The following PPFIA3 variants were observed in gnomAD, a reference collection of about 807,000 sequenced individuals.
PPFIA3 encodes the protein liprin-alpha-3.
A neutral mutation model predicts 145.8 loss-of-function variants in PPFIA3; 26 were observed. The ratio of observed to expected loss-of-function variants is 0.18; its 90% CI spans 0.13 to 0.25. The LOEUF is 0.25. Ranked by LOEUF, PPFIA3 falls within the 10% of genes least tolerant of loss-of-function variation. The pLI, the probability that PPFIA3 is intolerant of heterozygous loss-of-function variation, is 1.00. For synonymous variants in PPFIA3, 645 were observed against 661.4 expected (o/e 0.98, Z 0.38); for missense variants, 1,008 against 1,587.8 (o/e 0.63, Z 6.21).
Position 49,138,417 on chromosome 19 carries a change from C to T in PPFIA3, c.2066C>T (p.Thr689Ile). 1 of 1,545,154 alleles carries T rather than the reference C, an allele frequency of 6.5e-7. No homozygotes were observed. Among genetic ancestry groups the T allele is most frequent in the Non-Finnish European group, 8.7e-7 (1 of 1,144,434 alleles). The change falls in exon 16 of 30, where the codon ACC becomes ATC. Residue 689 changes from threonine (T) to isoleucine (I), a missense_variant. Thr to Ile is a moderately conservative substitution (Grantham distance 89). Transcript: ENST00000334186. Reference protein sequence around the residue: ...LAPPSPAREGTDKANHVPKEE... With the variant: ...LAPPSPAREGIDKANHVPKEE... The stretch of plus-strand genomic sequence containing the variant: ...CCCCCTAGCCCTGCCCGTGAGGGCA[C>T]CGACAAGGCTGTGAGTGCTCTGAAG...
chr19:49,141,315 C>A, intron 18 of PPFIA3, 105 bp from the exon 19 acceptor site: 1 of 784,406 alleles, frequency 1.3e-6, no homozygotes, highest in South Asian at 1.6e-5. Flanking sequence ...ACTCACTACT[C>A]CCTCAGGGCC....
chr19:49,143,878 T>G (rs57527373), intron 21 of PPFIA3, among the ~76,000 whole-genome samples: 32,719 of 152,056 alleles, frequency 0.22, 3,960 homozygotes, highest in Non-Finnish European at 0.28. Flanking sequence ...AAGTTTTTTT[T>G]GAATATTTGC....
chr19:49,126,812 G>T (rs1394955603), intron 1 of PPFIA3, among the ~76,000 whole-genome samples: 1 of 151,970 alleles, frequency 6.6e-6, no homozygotes, highest in Admixed American at 6.6e-5. Flanking sequence ...GGTTGAGGGG[G>T]ATTCTCAGTA....
chr19:49,140,864 C>T (rs571731529), intron 18 of PPFIA3, among the ~76,000 whole-genome samples: 1 of 151,918 alleles, frequency 6.6e-6, no homozygotes, highest in African/African-American at 2.4e-5. Flanking sequence ...CCGTGTTAGC[C>T]AGGATGGTCT....
Position 49,142,957 on chromosome 19 carries a change from G to C in PPFIA3, c.2698G>C (p.Glu900Gln). Reference protein sequence around the residue: ...HRLKLRLAIQEMVSLTSPSAP... With the variant: ...HRLKLRLAIQQMVSLTSPSAP... ...ACTCAAGCTACGCCTCGCCATCCAG[G>C]AGATGGTCTCGCTCACCTCGCCCTC... Residue 900 changes from glutamate (E) to glutamine (Q), a missense_variant, in exon 21 of 30, where the codon GAG becomes CAG. Glu to Gln is a conservative substitution (Grantham distance 29). This residue lies in a region of PPFIA3 where 154 missense variants were observed against 369.2 expected (regional missense o/e 0.42). Coordinates refer to ENST00000334186, the MANE Select transcript of PPFIA3 (RefSeq NM_003660.4). The C allele has an allele frequency of 6.2e-7, 1 of 1,612,744 alleles. No homozygotes were observed. Among genetic ancestry groups the C allele is most frequent in the Non-Finnish European group, 8.5e-7 (1 of 1,179,924 alleles).
chr19:49,136,963 C>G, intron 15 of PPFIA3, 52 bp downstream of exon 15: 1 of 1,423,380 alleles, frequency 7.0e-7, no homozygotes, highest in Non-Finnish European at 9.3e-7. Flanking sequence ...GCTGACTCCA[C>G]AGCCCTTCTG....
Position 49,149,494 on chromosome 19 carries a change from C to T in PPFIA3, c.3355-53C>T, listed in dbSNP as rs2041319130. 7 of 1,607,696 alleles carry T rather than the reference C, an allele frequency of 4.4e-6. No individual in the cohort carries two copies. Among genetic ancestry groups the T allele is most frequent in the Non-Finnish European group, 6.0e-6 (7 of 1,175,260 alleles). ...AGAGGGGTGGAGTCAAAGGAAGGGG[C>T]GGAGTCAGACAAGGCAGGAGTCCCT... On this transcript the variant is annotated intron_variant, in intron 27 of 29. Transcript: ENST00000334186. This position sits in a 1 kb window ranked among gnomAD's most constrained non-coding sequence, Gnocchi z 5.7.
intron 1 of PPFIA3, among the ~76,000 whole-genome samples, chr19:49,122,986 G>T (rs969918491): frequency 2.6e-5 from 4 of 151,908 alleles, no homozygotes; most frequent in Non-Finnish European, 5.9e-5. Flanking sequence ...CTCCCAAAGT[G>T]TTGGGATTAC....
rs755494814 is a variant in PPFIA3, at chr19:49,138,196, C to T, written c.1854-9C>T. 5 of 1,567,688 alleles carry T rather than the reference C, an allele frequency of 3.2e-6. No individual in the cohort carries two copies. Among genetic ancestry groups the T allele is most frequent in the Non-Finnish European group, 4.4e-6 (5 of 1,147,868 alleles). Reference sequence around the variant, plus strand: ...CCCCTCACCCAGTTTCCCCTATTTCCCTCCTCAGGCTGATCCAAGAGGAGA... The same window carrying T: ...CCCCTCACCCAGTTTCCCCTATTTCTCTCCTCAGGCTGATCCAAGAGGAGA... On this transcript the variant is annotated splice_polypyrimidine_tract_variant and intron_variant, in intron 15 of 29. Coordinates refer to ENST00000334186, the MANE Select transcript of PPFIA3 (RefSeq NM_003660.4).
chr19:49,141,562 G>A, intron 19 of PPFIA3, 49 bp downstream of exon 19: 1 of 1,435,036 alleles, frequency 7.0e-7, no homozygotes, highest in South Asian at 1.2e-5. Context: ...GAATGTGAGA[G>A]TGTGTGAGGG....
chr19:49,127,863 G>A lies in PPFIA3; in HGVS notation c.-11G>A. On this transcript the variant is annotated 5_prime_UTR_variant, in exon 2 of 30. Coordinates refer to ENST00000334186, the MANE Select transcript of PPFIA3 (RefSeq NM_003660.4). ...CTTGCCCTCCCCGCCCCGCAGGCCC[G>A]CACCGCCGCCATGATGTGCGAGGTG... The A allele has an allele frequency of 1.9e-6, 3 of 1,589,804 alleles. No individual in the cohort carries two copies. Among genetic ancestry groups the A allele is most frequent in the Admixed American group, 1.7e-5 (1 of 58,214 alleles).
intron 15 of PPFIA3, among the ~76,000 whole-genome samples, chr19:49,137,630 A>C (rs1282448938): frequency 1.7e-4 from 6 of 35,606 alleles, no homozygotes; most frequent in African/African-American, 1.2e-3. Context: ...CTCCGTGTCA[A>C]AAAAAAAAAA....
At chr19:49,135,293 C>G (rs762446952) in intron 13 of PPFIA3, among the ~76,000 whole-genome samples, 2 of 152,144 alleles carry the variant, frequency 1.3e-5, no homozygotes, top group African/African-American at 2.4e-5. Flanking sequence ...CCTCCCCCCT[C>G]GGCCTCCCAA....
At chr19:49,145,592 C>CCCCG (rs1555745062) in intron 21 of PPFIA3, 1 of 305,536 alleles carries the variant, frequency 3.3e-6, no homozygotes, top group African/African-American at 2.1e-5. Context: ...GAACCCCCCC[C>CCCCG]GCCATACTCC....
rs1217811322 is a variant in PPFIA3, at chr19:49,128,853, C to T, written c.348C>T (p.Leu116=). 6 of 1,597,220 alleles carry T rather than the reference C, an allele frequency of 3.8e-6. No homozygotes were observed. The highest frequency in any genetic ancestry group is 5.1e-6 in the Non-Finnish European group (6 of 1,171,648). The change falls in exon 4 of 30, where the codon CTC becomes CTT. Residue 116 remains leucine, a synonymous_variant. Transcript: ENST00000334186. This position sits in a 1 kb window ranked among gnomAD's most constrained non-coding sequence, Gnocchi z 4.1. ...LKAERNNTRL[L]LEHLECLVSR... ...CCCATGCCGTGTGCTTGCAGCTGCT[C>T]CTGGAACACCTGGAGTGCCTGGTGT...
At chr19:49,132,143 T>C (rs10410681) in intron 7 of PPFIA3, among the ~76,000 whole-genome samples, 58,784 of 150,774 alleles carry the variant, frequency 0.39, 15,541 homozygotes, top group African/African-American at 0.76. Context: ...ATCCCAGCAC[T>C]TTGGGAGACC....
In PPFIA3 at chr19:49,130,292, C is replaced by A; in HGVS notation, c.658-86C>A. On this transcript the variant is annotated intron_variant, in intron 6 of 29. Coordinates refer to ENST00000334186, the MANE Select transcript of PPFIA3 (RefSeq NM_003660.4). This position sits in a 1 kb window ranked among gnomAD's most constrained non-coding sequence, Gnocchi z 4.5. ...ATGATCCTTATTGATCTTTGATCTA[C>A]TTTCAGCTGATTGACTTTCTCCTTG... 7.4e-7 allele frequency: 1 copy of A among 1,345,954 alleles called. No homozygotes were observed. The highest frequency in any genetic ancestry group is 1.0e-6 in the Non-Finnish European group (1 of 983,358). 83.4% of individuals were successfully genotyped at this position (1,345,954 alleles called of 1,614,324 possible).
rs775454936 is a variant in PPFIA3 at position 49,149,518 on chromosome 19, C to T, written c.3355-29C>T. 1 of 1,613,646 alleles carries T rather than the reference C, an allele frequency of 6.2e-7. No individual in the cohort carries two copies. The highest frequency in any genetic ancestry group is 2.2e-5 in the East Asian group (1 of 44,858). ...GCGGAGTCAGACAAGGCAGGAGTCCCTCACCGGCTGTCCGGCTCCTATACC... is the reference window on the plus strand; with the variant it reads ...GCGGAGTCAGACAAGGCAGGAGTCCTTCACCGGCTGTCCGGCTCCTATACC... On this transcript the variant is annotated intron_variant, in intron 27 of 29. Coordinates refer to ENST00000334186, the MANE Select transcript of PPFIA3 (RefSeq NM_003660.4). This position sits in a 1 kb window ranked among gnomAD's most constrained non-coding sequence, Gnocchi z 5.7.
In PPFIA3 at chr19:49,134,057, C is replaced by G; in HGVS notation, c.1269C>G (p.Asn423Lys). Reference protein sequence around the residue: ...LQRARQREKMNDDHNKRLSET... With the variant: ...LQRARQREKMKDDHNKRLSET... Reference sequence around the variant, plus strand: ...AGGCCCGGCAGCGGGAGAAGATGAACGATGACCACAATAAGCGGCTGTCCG... The same window carrying G: ...AGGCCCGGCAGCGGGAGAAGATGAAGGATGACCACAATAAGCGGCTGTCCG... The change falls in exon 11 of 30, where the codon AAC becomes AAG. Residue 423 changes from asparagine (N) to lysine (K), a missense_variant. By Grantham distance (94) the Asn-to-Lys change is moderately conservative (BLOSUM62 0). Transcript: ENST00000334186. 2.5e-6 allele frequency: 4 copies of G among 1,613,260 alleles called. No homozygotes were observed. Among genetic ancestry groups the G allele is most frequent in the Non-Finnish European group, 3.4e-6 (4 of 1,179,648 alleles).
Sources: gnomAD v4.1 joint callset for allele counts (sites outside exome capture counted in the v4.1 genomes callset) on GRCh38, gnomAD v4.1.1 for gene constraint, gnomAD v4.1.1 regional missense constraint, Gnocchi (gnomAD v3.1) non-coding constraint, MANE v1.5 for transcripts, NCBI Gene and HGNC (gene_info 2026-07-23, HGNC 2026-07-21) for gene names.